Variants in ANKRD30BL observed in about 807,000 individuals in gnomAD.
ANKRD30BL encodes ankyrin repeat domain 30B like, also known as putative ankyrin repeat domain-containing protein 30B-like.
A neutral mutation model predicts 18.4 loss-of-function variants in ANKRD30BL; 20 were observed. That is an observed-to-expected ratio of 1.09 (90% CI 0.77 to 1.58). The LOEUF (loss-of-function observed/expected upper bound fraction) is 1.58, where lower values mean the gene tolerates loss of function less well. ANKRD30BL is among the 40% of genes most tolerant of loss of function. ANKRD30BL has a pLI of 0.00. For synonymous variants in ANKRD30BL, 72 were observed against 100.9 expected (o/e 0.71, Z 1.72); for missense variants, 224 against 268.6 (o/e 0.83, Z 1.16).
rs533361419 is a variant in ANKRD30BL at position 132,214,542 on chromosome 2, GT to G, written n.441+42986del. Among the ~76,000 whole-genome samples the G allele has an allele frequency of 2.2e-3, 335 of 152,014 alleles. 1 individual carries two copies. The highest frequency in any genetic ancestry group is 7.6e-3 in the African/African-American group (316 of 41,494). On this transcript the variant is annotated intron_variant and non_coding_transcript_variant, in intron 1 of 4. Transcript: ENST00000470729. The stretch of plus-strand genomic sequence containing the variant: ...CAGAAGCATTCTGTCAAACTACTTT[GT>G]GATATGTGCATTCATATCATGGAGT...
At chr2:132,183,821 TG>T (rs1215563863) in intron 1 of ANKRD30BL, among the ~76,000 whole-genome samples, 1 of 152,146 alleles carries the variant, frequency 6.6e-6, no homozygotes, top group Non-Finnish European at 1.5e-5. Flanking sequence ...CTGCTCTTCG[TG>T]GGATGTAATT....
intron 1 of ANKRD30BL, among the ~76,000 whole-genome samples, chr2:132,198,569 C>T (rs1421747687): frequency 6.6e-6 from 1 of 151,562 alleles, no homozygotes; most frequent in African/African-American, 2.4e-5. Flanking sequence ...GTGATCTGCC[C>T]GCCTTGGCCT....
intron 1 of ANKRD30BL, among the ~76,000 whole-genome samples, chr2:132,173,636 GT>G (rs1172777987): frequency 2.0e-5 from 3 of 151,200 alleles, no homozygotes; most frequent in Non-Finnish European, 4.4e-5. Context: ...AACATTTCTT[GT>G]TTTTGGGGAA....
chr2:132,202,208 G>A, intron 1 of ANKRD30BL, among the ~76,000 whole-genome samples: 1 of 152,052 alleles, frequency 6.6e-6, no homozygotes, highest in Non-Finnish European at 1.5e-5. Context: ...GAGTTAGTGG[G>A]TGCAGTGCAC....
rs76664079 is a variant in ANKRD30BL, at chr2:132,227,480, C to G, written n.441+30049G>C. On this transcript the variant is annotated intron_variant and non_coding_transcript_variant, in intron 1 of 4. Coordinates refer to the ANKRD30BL transcript ENST00000470729. ...CTTATCATAGAGTCGTTTTGAAACA[C>G]TCCTTTAGTAGAATCTGCAAGTGGA... 9.7e-4 allele frequency among the ~76,000 whole-genome samples: 147 copies of G among 151,790 alleles called. 1 individual carries two copies. Among genetic ancestry groups the G allele is most frequent in the African/African-American group, 3.5e-3 (146 of 41,470 alleles).
intron 1 of ANKRD30BL, among the ~76,000 whole-genome samples, chr2:132,256,374 GA>G (rs1225838208): frequency 6.6e-6 from 1 of 151,960 alleles, no homozygotes; most frequent in Non-Finnish European, 1.5e-5. Context: ...AAAACCCCCC[GA>G]CGGGCTCACC....
intron 1 of ANKRD30BL, among the ~76,000 whole-genome samples, chr2:132,256,399 C>T (rs1373512372): frequency 6.6e-6 from 1 of 152,136 alleles, no homozygotes; most frequent in Non-Finnish European, 1.5e-5. Context: ...CCCGACCCTT[C>T]GTGCCCATGT....
At chr2:132,159,096 TATC>T (rs1254372413) in intron 1 of ANKRD30BL, among the ~76,000 whole-genome samples, 1 of 151,540 alleles carries the variant, frequency 6.6e-6, no homozygotes, top group African/African-American at 2.4e-5. Context: ...TAACAAATTT[TATC>T]ATATTTCATA....
At chr2:132,212,712 T>G (rs1379559450) in intron 1 of ANKRD30BL, among the ~76,000 whole-genome samples, 1 of 151,936 alleles carries the variant, frequency 6.6e-6, no homozygotes, top group East Asian at 1.9e-4. Flanking sequence ...GAGTTGAACC[T>G]TTCTTTTCTT....
chr2:132,172,746 C>A (rs1005841368), intron 1 of ANKRD30BL, among the ~76,000 whole-genome samples: 11 of 149,322 alleles, frequency 7.4e-5, no homozygotes, highest in Admixed American at 1.3e-4. Context: ...CTTACTCTGT[C>A]GCCCAGGCTG....
chr2:132,219,224 A>G (rs897196120), intron 1 of ANKRD30BL, among the ~76,000 whole-genome samples: 1 of 151,876 alleles, frequency 6.6e-6, no homozygotes, highest in Non-Finnish European at 1.5e-5. Flanking sequence ...GACATACTGT[A>G]TCATAGAGCA....
intron 5 of ANKRD30BL, among the ~76,000 whole-genome samples, chr2:132,149,638 T>A (rs1440060065): frequency 6.6e-6 from 1 of 152,184 alleles, no homozygotes; most frequent in East Asian, 1.9e-4. Flanking sequence ...TAAAGATAGT[T>A]ACTTTTTTAG....
rs970299176 is a variant in ANKRD30BL, at chr2:132,206,779, G to A, written n.442-49633C>T. ...AAATGAGATAAAGTTATTCTTTTAC[G>A]GTTCAGGAAGCTAGAAATCTTAAAT... is the stretch of plus-strand genomic sequence containing the variant. On this transcript the variant is annotated intron_variant and non_coding_transcript_variant, in intron 1 of 4. Transcript: ENST00000470729. 3.9e-5 allele frequency among the ~76,000 whole-genome samples: 6 copies of A among 152,336 alleles called. No homozygotes were observed. The East Asian group carries it at 7.7e-4, about 20-fold the overall frequency.
chr2:132,202,160 G>C (rs1247874196), intron 1 of ANKRD30BL, among the ~76,000 whole-genome samples: 1 of 143,694 alleles, frequency 7.0e-6, no homozygotes, highest in Non-Finnish European at 1.5e-5. Flanking sequence ...AGGCAGGGGG[G>C]AGGGATAGCA....
At chr2:132,224,365 TCA>T (rs1679783626) in intron 1 of ANKRD30BL, among the ~76,000 whole-genome samples, 1 of 152,106 alleles carries the variant, frequency 6.6e-6, no homozygotes. Context: ...CGCATTCCAC[TCA>T]CAGAGTTGAA....
chr2:132,195,708 T>C (rs1678949451), intron 1 of ANKRD30BL, among the ~76,000 whole-genome samples: 1 of 149,798 alleles, frequency 6.7e-6, no homozygotes. Flanking sequence ...GAAGAATTGC[T>C]TGACCCCAGG....
At chr2:132,235,936 C>G (rs1680139665) in intron 1 of ANKRD30BL, among the ~76,000 whole-genome samples, 3 of 152,122 alleles carry the variant, frequency 2.0e-5, no homozygotes, top group South Asian at 4.1e-4. Flanking sequence ...TGACTTCAAA[C>G]TATACTGCAA....
chr2:132,178,949 A>G (rs1324049019), intron 1 of ANKRD30BL, among the ~76,000 whole-genome samples: 1 of 151,490 alleles, frequency 6.6e-6, no homozygotes, highest in Non-Finnish European at 1.5e-5. Flanking sequence ...ATGGTGATGC[A>G]TTTTGCAGAG....
intron 1 of ANKRD30BL, among the ~76,000 whole-genome samples, chr2:132,212,274 G>A: frequency 6.6e-6 from 1 of 151,666 alleles, no homozygotes; most frequent in Middle Eastern, 3.4e-3. Context: ...AGAGCTTTGA[G>A]GCCTAAGGCA....
Sources: gnomAD v4.1 joint callset for allele counts (sites outside exome capture counted in the v4.1 genomes callset) on GRCh38, gnomAD v4.1.1 for gene constraint, MANE v1.5 for transcripts, NCBI Gene and HGNC (gene_info 2026-07-23, HGNC 2026-07-21) for gene names.